The following AGBL1 variants were observed in gnomAD, a reference collection of about 807,000 sequenced individuals.
AGBL1 encodes AGBL carboxypeptidase 1.
AGBL1 carries 130 observed loss-of-function variants against 118.9 expected under a neutral mutation model. That is an observed-to-expected ratio of 1.09 (90% confidence interval 0.95 to 1.26). The LOEUF is 1.26. Ranked by LOEUF, AGBL1 falls within the 50% of genes most tolerant of loss-of-function variation. The pLI, the probability that AGBL1 is intolerant of heterozygous loss-of-function variation, is 0.00. For missense variants in AGBL1, 1,584 were observed against 1,298.1 expected (o/e 1.22, Z -3.38); for synonymous variants, 555 against 478.9 (o/e 1.16, Z -2.08).
At chr15:86,476,877 G>C (rs969460512) in intron 18 of AGBL1, among the ~76,000 whole-genome samples, 6 of 152,026 alleles carry the variant, frequency 3.9e-5, no homozygotes, top group Non-Finnish European at 7.4e-5. Flanking sequence ...TTATAACAAA[G>C]TGTCTCTCAG....
intron 22 of AGBL1, among the ~76,000 whole-genome samples, chr15:86,749,484 T>G (rs1332188173): frequency 6.6e-6 from 1 of 152,028 alleles, no homozygotes; most frequent in Non-Finnish European, 1.5e-5. Context: ...CCTCTTTTCC[T>G]AATTGAATAC....
chr15:86,653,484 C>T (rs545974472), intron 21 of AGBL1, among the ~76,000 whole-genome samples: 4 of 152,280 alleles, frequency 2.6e-5, no homozygotes, highest in African/African-American at 7.2e-5. Flanking sequence ...TCACAGACAT[C>T]GGATATAAAC....
chr15:86,966,307 C>A (rs2081052309), intron 23 of AGBL1, among the ~76,000 whole-genome samples: 1 of 147,318 alleles, frequency 6.8e-6, no homozygotes, highest in African/African-American at 2.5e-5. Flanking sequence ...CAGAAATCCT[C>A]ATTCTTTGGC....
intron 22 of AGBL1, among the ~76,000 whole-genome samples, chr15:86,725,301 T>C (rs1229018760): frequency 6.6e-6 from 1 of 152,126 alleles, no homozygotes; most frequent in Non-Finnish European, 1.5e-5. Context: ...CACAGAGACA[T>C]GGTCTAGATG....
intron 1 of AGBL1, among the ~76,000 whole-genome samples, chr15:86,085,435 T>C (rs2141444854): frequency 6.6e-6 from 1 of 152,312 alleles, no homozygotes; most frequent in Non-Finnish European, 1.5e-5. Flanking sequence ...GGTCCAACCA[T>C]GCCCTTGGTA....
chr15:86,523,017 G>T, intron 19 of AGBL1, 78 bp downstream of exon 19: 1 of 1,522,292 alleles, frequency 6.6e-7, no homozygotes, highest in Non-Finnish European at 9.1e-7. Context: ...TTCTGCCAAG[G>T]CAAGAATAGA....
intron 6 of AGBL1, among the ~76,000 whole-genome samples, chr15:86,245,096 A>G (rs529407999): frequency 4.6e-5 from 7 of 152,270 alleles, no homozygotes; most frequent in African/African-American, 1.7e-4. Context: ...ACAAACACCA[A>G]CTGCACAAAT....
intron 5 of AGBL1, among the ~76,000 whole-genome samples, chr15:86,215,728 C>T (rs1280979097): frequency 1.3e-5 from 2 of 152,286 alleles, no homozygotes; most frequent in Non-Finnish European, 2.9e-5. Flanking sequence ...TCAGCAATCT[C>T]ACAGCAATCT....
intron 21 of AGBL1, among the ~76,000 whole-genome samples, chr15:86,635,917 G>A (rs1373791680): frequency 6.6e-6 from 1 of 152,156 alleles, no homozygotes; most frequent in East Asian, 1.9e-4. Flanking sequence ...CCAACATTGG[G>A]TGAGTCAGCA....
intron 18 of AGBL1, among the ~76,000 whole-genome samples, chr15:86,400,887 T>C (rs189188547): frequency 8.8e-4 from 134 of 152,278 alleles, no homozygotes; most frequent in African/African-American, 3.2e-3. Context: ...TTAGGTTGGT[T>C]CCATATCTCT....
intron 23 of AGBL1, among the ~76,000 whole-genome samples, chr15:86,970,636 G>A (rs72755693): frequency 0.042 from 6,344 of 152,034 alleles, 163 homozygotes; most frequent in Middle Eastern, 0.071. Flanking sequence ...TGATAATGCA[G>A]AAGCAATATG....
chr15:86,720,284 C>T (rs1168599720), intron 22 of AGBL1, among the ~76,000 whole-genome samples: 1 of 152,162 alleles, frequency 6.6e-6, no homozygotes, highest in Non-Finnish European at 1.5e-5. Context: ...GGATGAATAA[C>T]ACTACTATCT....
At chr15:86,378,171 G>C (rs1382160699) in intron 17 of AGBL1, among the ~76,000 whole-genome samples, 2 of 152,046 alleles carry the variant, frequency 1.3e-5, no homozygotes, top group East Asian at 3.9e-4. Context: ...AAAGAGTGGG[G>C]CAAATTTCAG....
At chr15:86,139,507 G>T (rs1176811268) in intron 1 of AGBL1, among the ~76,000 whole-genome samples, 1 of 152,116 alleles carries the variant, frequency 6.6e-6, no homozygotes, top group East Asian at 1.9e-4. Flanking sequence ...AGCCAGCCGG[G>T]TGTGGTGGCT....
At chr15:86,573,640 G>A (rs546477092) in intron 21 of AGBL1, among the ~76,000 whole-genome samples, 1 of 152,278 alleles carries the variant, frequency 6.6e-6, no homozygotes, top group African/African-American at 2.4e-5. Context: ...GCTAGGGTAT[G>A]CATCCTGCTG....
intron 17 of AGBL1, among the ~76,000 whole-genome samples, chr15:86,306,454 A>T (rs868585589): frequency 6.6e-6 from 1 of 152,070 alleles, no homozygotes; most frequent in Non-Finnish European, 1.5e-5. Flanking sequence ...TAACATAATG[A>T]TCTCCATTTC....
intron 18 of AGBL1, among the ~76,000 whole-genome samples, chr15:86,452,338 T>A (rs561306419): frequency 1.3e-5 from 2 of 152,328 alleles, no homozygotes; most frequent in East Asian, 3.9e-4. Context: ...ACCTGGACAC[T>A]TGTCTCAGAA....
chr15:86,573,796 A>G (rs941128395), intron 21 of AGBL1, among the ~76,000 whole-genome samples: 5 of 152,358 alleles, frequency 3.3e-5, no homozygotes, highest in Middle Eastern at 3.4e-3. Context: ...AGAATCGGAA[A>G]GATACAAAAT....
intron 21 of AGBL1, among the ~76,000 whole-genome samples, chr15:86,598,574 G>T (rs7176397): frequency 1.3e-5 from 2 of 151,942 alleles, no homozygotes; most frequent in African/African-American, 4.8e-5. Flanking sequence ...ACACCATTTT[G>T]TATTCCATCT....
Sources: gnomAD v4.1 joint callset for allele counts (sites outside exome capture counted in the v4.1 genomes callset) on GRCh38, gnomAD v4.1.1 for gene constraint, MANE v1.5 for transcripts, NCBI Gene and HGNC (gene_info 2026-07-23, HGNC 2026-07-21) for gene names.